The following SMAP1 variants were observed in gnomAD, a reference collection of about 807,000 sequenced individuals.
SMAP1 encodes small ArfGAP 1.
A neutral mutation model predicts 58.5 loss-of-function variants in SMAP1; 24 were observed. The ratio of observed to expected loss-of-function variants is 0.41; its 90% CI spans 0.30 to 0.58. SMAP1 has a LOEUF of 0.58. SMAP1 is among the 20% of genes least tolerant of loss of function. SMAP1 has a pLI of 0.29. For synonymous variants in SMAP1, 216 were observed against 196.6 expected, an observed-to-expected ratio of 1.10 and a Z score of -0.82; for missense variants, 563 against 566.3, an observed-to-expected ratio of 0.99 and a Z score of 0.06.
In SMAP1 at chr6:70,798,674, A is replaced by C; in HGVS notation, c.513A>C (p.Lys171Asn). The C allele has an allele frequency of 6.5e-7, 1 of 1,540,530 alleles. No individual in the cohort carries two copies. The highest frequency in any genetic ancestry group is 2.4e-5 in the East Asian group (1 of 42,114). ...KNKLEKEKEKKKEEKKREKEP... is the reference protein window; with the variant it reads ...KNKLEKEKEKNKEEKKREKEP... ...TGTTTTAGAAAGAAAAGGAAAAAAA[A>C]AAGGAAGAGAAAAAGAGAGAAAAGG... Residue 171 changes from lysine to asparagine, a missense_variant, in exon 6 of 11, where the codon AAA becomes AAC. Around this residue, in one of 3 missense-constraint regions of SMAP1, gnomAD observed 494 missense variants for 473.8 expected, o/e 1.04. Transcript: ENST00000370455.
chr6:70,778,277 G>C (rs532313389), intron 4 of SMAP1, among the ~76,000 whole-genome samples: 14 of 152,162 alleles, frequency 9.2e-5, no homozygotes, highest in African/African-American at 3.1e-4. Context: ...GGGTATCCTT[G>C]TCTTTTTTCT....
rs1490822629 is a variant in SMAP1, at chr6:70,861,945, T to C, written c.*1611T>C. ...ACGACGCTTAAATACAGCTTTTGGA[T>C]TGGACAAAATGACTTGAAGACTTAC... On this transcript the variant is annotated 3_prime_UTR_variant, in exon 11 of 11. Coordinates refer to ENST00000370455, the MANE Select transcript of SMAP1 (RefSeq NM_001044305.3). 6 of 1,613,598 alleles carry C rather than the reference T, an allele frequency of 3.7e-6. No homozygotes were observed. Among genetic ancestry groups the C allele is most frequent in the African/African-American group, 1.3e-5 (1 of 74,976 alleles).
chr6:70,671,712 A>G (rs1766273779), intron 1 of SMAP1, among the ~76,000 whole-genome samples: 1 of 152,242 alleles, frequency 6.6e-6, no homozygotes, highest in Admixed American at 6.5e-5. Flanking sequence ...TGTTCTGGAT[A>G]TTTAATATAA....
chr6:70,805,207 T>A (rs1157672990), intron 6 of SMAP1, among the ~76,000 whole-genome samples: 1 of 152,212 alleles, frequency 6.6e-6, no homozygotes. Flanking sequence ...TTCTTATTAC[T>A]CTTTTTTCTC....
intron 6 of SMAP1, among the ~76,000 whole-genome samples, chr6:70,802,142 T>C (rs533101349): frequency 6.6e-6 from 1 of 152,190 alleles, no homozygotes; most frequent in African/African-American, 2.4e-5. Flanking sequence ...TCTTCGTATC[T>C]ATGAGCATGG....
chr6:70,743,608 C>T (rs890178432), intron 2 of SMAP1, among the ~76,000 whole-genome samples: 29 of 152,086 alleles, frequency 1.9e-4, no homozygotes, highest in Non-Finnish European at 1.5e-5. Flanking sequence ...TCAAGAAAAC[C>T]ATAGGCCAAA....
intron 1 of SMAP1, among the ~76,000 whole-genome samples, chr6:70,728,235 A>G (rs190806544): frequency 2.0e-5 from 3 of 152,268 alleles, no homozygotes; most frequent in African/African-American, 7.2e-5. Flanking sequence ...GCAAATGGAA[A>G]AGGGGAAGAG....
chr6:70,821,060 G>C (rs1246826078), intron 6 of SMAP1, among the ~76,000 whole-genome samples: 1 of 151,902 alleles, frequency 6.6e-6, no homozygotes, highest in South Asian at 2.1e-4. Flanking sequence ...TTCCTGTTAG[G>C]ATTTCCCCCC....
intron 3 of SMAP1, among the ~76,000 whole-genome samples, chr6:70,765,704 C>T (rs1033141367): frequency 6.6e-6 from 1 of 151,682 alleles, no homozygotes; most frequent in African/African-American, 2.4e-5. Context: ...TTTTATTTTA[C>T]AATTTGTATT....
intron 5 of SMAP1, among the ~76,000 whole-genome samples, chr6:70,795,788 A>AC (rs1768579168): frequency 1.3e-5 from 2 of 148,932 alleles, no homozygotes; most frequent in African/African-American, 5.0e-5. Flanking sequence ...CCCAGGCTGG[A>AC]GTGCAATGGC....
chr6:70,698,244 AG>A (rs1250441235), intron 1 of SMAP1, among the ~76,000 whole-genome samples: 1 of 152,084 alleles, frequency 6.6e-6, no homozygotes, highest in Non-Finnish European at 1.5e-5. Context: ...CTGGCCTGTA[AG>A]GTTTCCACTG....
chr6:70,693,626 C>T (rs937081669), intron 1 of SMAP1, among the ~76,000 whole-genome samples: 3 of 151,982 alleles, frequency 2.0e-5, no homozygotes, highest in African/African-American at 4.8e-5. Flanking sequence ...ATAGGGATTG[C>T]GTTGAATCTG....
At chr6:70,834,702 G>A (rs1458612999) in intron 6 of SMAP1, among the ~76,000 whole-genome samples, 2 of 152,312 alleles carry the variant, frequency 1.3e-5, no homozygotes, top group Non-Finnish European at 2.9e-5. Context: ...GTGGCCACAC[G>A]ATTCTCAGAT....
intron 1 of SMAP1, among the ~76,000 whole-genome samples, chr6:70,712,974 G>A (rs1481535792): frequency 1.3e-5 from 2 of 151,624 alleles, no homozygotes; most frequent in Admixed American, 6.6e-5. Context: ...TGTATTTTTA[G>A]TAGAGATGGG....
At chr6:70,781,779 AG>A in intron 4 of SMAP1, among the ~76,000 whole-genome samples, 1 of 152,316 alleles carries the variant, frequency 6.6e-6, no homozygotes, top group South Asian at 2.1e-4. Context: ...ACCTTTTCAA[AG>A]GGTGTTTGTT....
intron 1 of SMAP1, among the ~76,000 whole-genome samples, chr6:70,725,786 TCTTA>T (rs1476598086): frequency 6.6e-6 from 1 of 152,208 alleles, no homozygotes; most frequent in Non-Finnish European, 1.5e-5. Context: ...CAAATCCAAT[TCTTA>T]CTTCTTTTTA....
At chr6:70,747,767 A>G (rs1003901824) in intron 2 of SMAP1, among the ~76,000 whole-genome samples, 4 of 152,202 alleles carry the variant, frequency 2.6e-5, no homozygotes, top group South Asian at 2.1e-4. Context: ...AGCTTTTCCA[A>G]TTTTGTCATA....
At chr6:70,819,534 G>T (rs1213779281) in intron 6 of SMAP1, among the ~76,000 whole-genome samples, 2 of 152,084 alleles carry the variant, frequency 1.3e-5, no homozygotes, top group Non-Finnish European at 2.9e-5. Context: ...CATTTTTATT[G>T]AAAATTTTAA....
intron 1 of SMAP1, among the ~76,000 whole-genome samples, chr6:70,685,735 T>G (rs1375950545): frequency 6.6e-6 from 1 of 152,134 alleles, no homozygotes. Flanking sequence ...AAGTGTTTCC[T>G]AAAGCCATAT....
Sources: gnomAD v4.1 joint callset for allele counts (sites outside exome capture counted in the v4.1 genomes callset) on GRCh38, gnomAD v4.1.1 for gene constraint, gnomAD v4.1.1 regional missense constraint, MANE v1.5 for transcripts, NCBI Gene and HGNC (gene_info 2026-07-23, HGNC 2026-07-21) for gene names.